TACR3: variants seen among roughly 807,000 people sequenced by gnomAD.
TACR3 encodes the protein neuromedin-K receptor.
In TACR3, 34 loss-of-function variants were observed where a neutral mutation model predicts 35.0. The ratio of observed to expected loss-of-function variants is 0.97; its 90% confidence interval spans 0.74 to 1.30. TACR3 has a LOEUF of 1.30. TACR3 is among the 50% of genes most tolerant of loss of function. The probability of loss-of-function intolerance (pLI) is 0.00; values close to 1 mark genes in which losing one functional copy is unlikely to be tolerated. For synonymous variants in TACR3, 233 were observed against 221.1 expected (o/e 1.05, Z -0.48); for missense variants, 558 against 591.7 (o/e 0.94, Z 0.59).
chr4:103,609,025 C>A (rs1011068907), intron 3 of TACR3, among the ~76,000 whole-genome samples: 6 of 152,048 alleles, frequency 3.9e-5, no homozygotes, highest in Non-Finnish European at 7.4e-5. Flanking sequence ...ACAGTGTATT[C>A]TTCCCTAAAT....
Position 103,593,796 on chromosome 4 carries a change from C to T in TACR3, c.889-2113G>A, listed in dbSNP as rs117796479. ...AATTTAAAATCACAGTCTGCCCTTC[C>T]AGCCCTCCCAGAACCTCTTAGCTTG... On this transcript the variant is annotated intron_variant, in intron 3 of 4. Coordinates refer to ENST00000304883, the MANE Select transcript of TACR3 (RefSeq NM_001059.3). Among the ~76,000 whole-genome samples the T allele has an allele frequency of 2.7e-4, 41 of 152,234 alleles. No homozygotes were observed. In the East Asian group the frequency reaches 6.9e-3, roughly 26 times the overall value.
intron 3 of TACR3, among the ~76,000 whole-genome samples, chr4:103,598,759 T>G (rs187902524): frequency 0.034 from 5,200 of 152,154 alleles, 319 homozygotes; most frequent in African/African-American, 0.12. Context: ...AGATCAGATA[T>G]TTGTAGATAT....
intron 3 of TACR3, among the ~76,000 whole-genome samples, chr4:103,638,989 G>C (rs1177496620): frequency 6.6e-6 from 1 of 152,124 alleles, no homozygotes. Context: ...TACACTGTTG[G>C]TGGGACTGTA....
intron 1 of TACR3, among the ~76,000 whole-genome samples, chr4:103,669,499 G>T (rs755579048): frequency 1.3e-5 from 2 of 151,960 alleles, no homozygotes; most frequent in Non-Finnish European, 2.9e-5. Flanking sequence ...ATCCTCATCA[G>T]CATCTATTAC....
intron 1 of TACR3, among the ~76,000 whole-genome samples, chr4:103,690,559 A>G (rs1722380858): frequency 6.6e-6 from 1 of 152,080 alleles, no homozygotes; most frequent in African/African-American, 2.4e-5. Context: ...ACGTCAATAA[A>G]CCACTTTTAC....
At chr4:103,664,434 T>A (rs1453969561) in intron 1 of TACR3, among the ~76,000 whole-genome samples, 1 of 152,206 alleles carries the variant, frequency 6.6e-6, no homozygotes, top group Non-Finnish European at 1.5e-5. Flanking sequence ...CTTTTACATA[T>A]CTTCAAGTTT....
In TACR3 at chr4:103,708,486, C is replaced by T. The variant is rs562041062; in HGVS notation, c.548+10642G>A. On this transcript the variant is annotated intron_variant, in intron 1 of 4. Coordinates refer to ENST00000304883, the MANE Select transcript of TACR3 (RefSeq NM_001059.3). ...AAAACTAACAAATAGAAAGGACATC[C>T]GCACCAAAACCCCATCTGTATGTCA... Among the ~76,000 whole-genome samples, 53 of 152,174 alleles carry T rather than the reference C, an allele frequency of 3.5e-4. No individual in the cohort carries two copies. In the East Asian group the frequency reaches 6.8e-3, roughly 19 times the overall value.
chr4:103,620,611 C>T (rs556574840), intron 3 of TACR3, among the ~76,000 whole-genome samples: 25 of 152,204 alleles, frequency 1.6e-4, no homozygotes, highest in African/African-American at 1.4e-4. Context: ...TGGATGATCC[C>T]GGAGGTCGTT....
intron 1 of TACR3, among the ~76,000 whole-genome samples, chr4:103,671,186 G>A (rs561138599): frequency 6.6e-6 from 1 of 152,058 alleles, no homozygotes; most frequent in South Asian, 2.1e-4. Context: ...TGGCATGCTA[G>A]TATTTGTTGA....
chr4:103,593,756 C>T (rs1156360796), intron 3 of TACR3, among the ~76,000 whole-genome samples: 1 of 152,120 alleles, frequency 6.6e-6, no homozygotes, highest in South Asian at 2.1e-4. Flanking sequence ...TCTTTGAGTG[C>T]TATTCTGACC....
At chr4:103,623,766 T>C (rs1724833522) in intron 3 of TACR3, among the ~76,000 whole-genome samples, 4 of 152,196 alleles carry the variant, frequency 2.6e-5, no homozygotes, top group Admixed American at 2.0e-4. Flanking sequence ...TTCAGAGGTC[T>C]CTATGCATAG....
chr4:103,650,508 T>TTATATATAAATATGTATTATTTATATA (rs1725567673), intron 3 of TACR3, among the ~76,000 whole-genome samples: 4 of 128,662 alleles, frequency 3.1e-5, no homozygotes, highest in African/African-American at 5.6e-5. Flanking sequence ...TTATATATAT[T>TTATATATAAATATGTATTATTTATATA]TATATATAAA....
At position 103,586,546 on chromosome 4, in the gene TACR3, ATT is replaced by A. The variant is rs1258763362; in HGVS notation, c.*3134_*3135del. The A allele has an allele frequency of 1.3e-5, 2 of 151,972 alleles. No individual in the cohort carries two copies. Among genetic ancestry groups the A allele is most frequent in the Non-Finnish European group, 2.9e-5 (2 of 67,980 alleles). 9.4% of individuals were successfully genotyped at this position (151,972 alleles called of 1,614,324 possible). The stretch of plus-strand genomic sequence containing the variant: ...GAGCTGGCCAGCATTTATTTTTCAC[ATT>A]TATTTTGTATTTCATAGGCTTGATA... On this transcript the variant is annotated 3_prime_UTR_variant, in exon 5 of 5. Coordinates refer to ENST00000304883, the MANE Select transcript of TACR3 (RefSeq NM_001059.3).
chr4:103,599,066 T>C (rs1292834417), intron 3 of TACR3, among the ~76,000 whole-genome samples: 2 of 152,220 alleles, frequency 1.3e-5, no homozygotes, highest in South Asian at 2.1e-4. Context: ...TTTCACAATA[T>C]TGATTCTTCC....
intron 3 of TACR3, among the ~76,000 whole-genome samples, chr4:103,600,738 C>A (rs941051240): frequency 1.3e-5 from 2 of 151,998 alleles, no homozygotes; most frequent in African/African-American, 2.4e-5. Flanking sequence ...ATTCAGGAGC[C>A]GGTTGTTCAT....
Sources: gnomAD v4.1 joint callset for allele counts (sites outside exome capture counted in the v4.1 genomes callset) on GRCh38, gnomAD v4.1.1 for gene constraint, MANE v1.5 for transcripts, NCBI Gene and HGNC (gene_info 2026-07-23, HGNC 2026-07-21) for gene names.